Variants in GATM observed in about 807,000 individuals in gnomAD.
The protein encoded by GATM is glycine amidinotransferase, mitochondrial.
In GATM, 23 loss-of-function variants were observed where a neutral mutation model predicts 54.2. That is an observed-to-expected ratio of 0.42 (90% CI 0.31 to 0.60). GATM has a LOEUF of 0.60. Among genes scored for constraint, GATM ranks in the 20% least tolerant of loss-of-function variants. The pLI is 0.14. For missense variants in GATM, 401 were observed against 544.9 expected, an observed-to-expected ratio of 0.74 and a Z score of 2.63; for synonymous variants, 168 against 183.1, an observed-to-expected ratio of 0.92 and a Z score of 0.67.
At chr15:45,388,352 CCT>C (rs1230244132) in intron 3 of GATM, among the ~76,000 whole-genome samples, 1 of 152,070 alleles carries the variant, frequency 6.6e-6, no homozygotes, top group Non-Finnish European at 1.5e-5. Context: ...TTTGGTTTAC[CCT>C]GTTATTGTCT....
chr15:45,377,326 CT>C (rs1889656250), intron 1 of GATM: 1 of 436,714 alleles, frequency 2.3e-6, no homozygotes, highest in Admixed American at 2.7e-5. Flanking sequence ...AGGACCTTAT[CT>C]TTCAGAATAA....
At chr15:45,377,445 A>G in intron 1 of GATM, 1 of 366,508 alleles carries the variant, frequency 2.7e-6, no homozygotes, top group South Asian at 2.2e-5. Context: ...CAGATGGTCC[A>G]CAGTACCCTA....
chr15:45,394,739 C>T (rs1410754684), intron 3 of GATM, among the ~76,000 whole-genome samples: 1 of 152,220 alleles, frequency 6.6e-6, no homozygotes, highest in African/African-American at 2.4e-5. Context: ...CAGTGACCTT[C>T]ATTTCAATGG....
chr15:45,386,995 C>A (rs1364895176), intron 3 of GATM, among the ~76,000 whole-genome samples: 1 of 152,130 alleles, frequency 6.6e-6, no homozygotes, highest in Non-Finnish European at 1.5e-5. Context: ...CCATGCTATT[C>A]AGAATTTAAA....
At chr15:45,375,580 T>C (rs1395046055) in intron 2 of GATM, among the ~76,000 whole-genome samples, 1 of 152,112 alleles carries the variant, frequency 6.6e-6, no homozygotes, top group East Asian at 1.9e-4. Flanking sequence ...CTTATATGGT[T>C]GTCTTATAAA....
chr15:45,395,077 A>G (rs1889913260), intron 3 of GATM, among the ~76,000 whole-genome samples: 1 of 152,222 alleles, frequency 6.6e-6, no homozygotes, highest in Non-Finnish European at 1.5e-5. Flanking sequence ...GAAGAAATCA[A>G]GACTTCATCC....
intron 3 of GATM, among the ~76,000 whole-genome samples, chr15:45,389,037 G>A (rs762190176): frequency 7.9e-5 from 12 of 152,178 alleles, no homozygotes; most frequent in African/African-American, 1.9e-4. Flanking sequence ...AGACAGTAAC[G>A]TTTGGCAGAT....
chr15:45,396,666 C>T (rs928556605), intron 3 of GATM, among the ~76,000 whole-genome samples: 2 of 151,826 alleles, frequency 1.3e-5, no homozygotes, highest in East Asian at 1.9e-4. Flanking sequence ...GTCAGGAGAT[C>T]GAGACCATCC....
intron 3 of GATM, among the ~76,000 whole-genome samples, chr15:45,389,336 C>T (rs972969011): frequency 1.3e-5 from 2 of 152,198 alleles, no homozygotes; most frequent in Non-Finnish European, 2.9e-5. Context: ...ACTTGATGAC[C>T]TCTAAGGTTT....
chr15:45,385,615 T>C (rs1349514097), intron 3 of GATM, among the ~76,000 whole-genome samples: 3 of 152,230 alleles, frequency 2.0e-5, no homozygotes, highest in Non-Finnish European at 4.4e-5. Flanking sequence ...TTTTAAAATA[T>C]GTCAGGTTGA....
intron 2 of GATM, chr15:45,373,115 CT>C (rs556426235): frequency 4.6e-5 from 7 of 152,162 alleles, no homozygotes; most frequent in African/African-American, 7.2e-5. Context: ...CAGCTGTAAG[CT>C]TATATTACAC....
Position 45,362,069 on chromosome 15 carries a change from A to T in GATM, c.*40T>A. ...AATGAACCTTGCCCCTAAGCTTCTT[A>T]GGTGTATCTGAGGCCAGCCACAAGC... is the stretch of plus-strand genomic sequence containing the variant. On this transcript the variant is annotated 3_prime_UTR_variant, in exon 9 of 9. Transcript: ENST00000396659. 8.4e-7 allele frequency: 1 copy of T among 1,188,450 alleles called. No individual in the cohort carries two copies. The highest frequency in any genetic ancestry group is 1.3e-6 in the Non-Finnish European group (1 of 793,618). 73.6% of individuals were successfully genotyped at this position (1,188,450 alleles called of 1,614,324 possible).
At chr15:45,370,384 AAAAAGAAAAAG>A (rs930820547) in intron 2 of GATM, among the ~76,000 whole-genome samples, 1 of 131,346 alleles carries the variant, frequency 7.6e-6, no homozygotes, top group African/African-American at 2.8e-5. Flanking sequence ...TCAAAAAAAA[AAAAAGAAAAAG>A]AAAAAGAAAA....
Position 45,368,421 on chromosome 15 carries a change from A to G in GATM, c.485-161T>C, listed in dbSNP as rs1228556644. On this transcript the variant is annotated intron_variant, in intron 3 of 8. Transcript: ENST00000396659. This position sits in a 1 kb window ranked among gnomAD's most constrained non-coding sequence, Gnocchi z 5.1. ...GATCCTCTTCAAGAGCAGCCTGGCC[A>G]ACATGGTCAAGCCCCATCTCTACTA... 1.3e-5 allele frequency among the ~76,000 whole-genome samples: 2 copies of G among 152,118 alleles called. No homozygotes were observed. The highest frequency in any genetic ancestry group is 2.9e-5 in the Non-Finnish European group (2 of 68,034).
rs114130576 is a variant in GATM, at chr15:45,384,504, C to T, written c.-318-7685G>A. 3.5e-3 allele frequency among the ~76,000 whole-genome samples: 527 copies of T among 152,258 alleles called. 6 individuals are homozygous for T. The highest frequency in any genetic ancestry group is 0.012 in the African/African-American group (511 of 41,530). On this transcript the variant is annotated intron_variant, in intron 3 of 4. Transcript: ENST00000561148. The stretch of plus-strand genomic sequence containing the variant: ...TATTTTAGCATAGGGGTAGCTGTTG[C>T]TCCCTGCACTGTAGTCAAAGAAGGG...
In GATM at chr15:45,371,330, G is replaced by C. The variant is rs562172907; in HGVS notation, c.289-1809C>G. Among the ~76,000 whole-genome samples, 3 of 152,314 alleles carry C rather than the reference G, an allele frequency of 2.0e-5. 1 individual carries two copies. The highest frequency in any genetic ancestry group is 7.2e-5 in the African/African-American group (3 of 41,572). The stretch of plus-strand genomic sequence containing the variant: ...TATTTTAAGTTTAAAAATGTTTTAA[G>C]TGTTTTAATTTAAATTTTTGTTTAA... On this transcript the variant is annotated intron_variant, in intron 2 of 8. Transcript: ENST00000396659.
chr15:45,391,394 G>A (rs950656367), intron 3 of GATM, among the ~76,000 whole-genome samples: 3 of 152,094 alleles, frequency 2.0e-5, no homozygotes, highest in South Asian at 2.1e-4. Context: ...CCTGGGTGAC[G>A]GAGCGAGACT....
intron 3 of GATM, among the ~76,000 whole-genome samples, chr15:45,388,466 A>G (rs1179921544): frequency 1.3e-5 from 2 of 152,156 alleles, no homozygotes; most frequent in African/African-American, 4.8e-5. Flanking sequence ...TTTTCCACTA[A>G]CATTCTTTTT....
chr15:45,376,932 T>A, intron 1 of GATM, 113 bp from the exon 2 acceptor site: 1 of 942,104 alleles, frequency 1.1e-6, no homozygotes, highest in Admixed American at 2.0e-5. Context: ...TTAAACCCCT[T>A]TAGAACAGCA....
Sources: gnomAD v4.1 joint callset for allele counts (sites outside exome capture counted in the v4.1 genomes callset) on GRCh38, gnomAD v4.1.1 for gene constraint, Gnocchi (gnomAD v3.1) non-coding constraint, MANE v1.5 for transcripts, NCBI Gene and HGNC (gene_info 2026-07-23, HGNC 2026-07-21) for gene names.